Variants in EMP2 observed in about 807,000 individuals in gnomAD.
EMP2 encodes epithelial membrane protein 2.
In EMP2, 19 loss-of-function variants were observed where a neutral mutation model predicts 13.7. The observed-to-expected ratio is 1.38, with a 90% CI of 0.97 to 2.03. The LOEUF is 2.03. Ranked by LOEUF, EMP2 falls within the 30% of genes most tolerant of loss-of-function variation. The pLI is 0.00. For missense variants in EMP2, 253 were observed against 220.7 expected (o/e 1.15, Z -0.93); for synonymous variants, 97 against 84.7 (o/e 1.15, Z -0.80).
chr16:10,552,439 C>T (rs1256020630), intron 1 of EMP2, among the ~76,000 whole-genome samples: 1 of 152,180 alleles, frequency 6.6e-6, no homozygotes, highest in East Asian at 1.9e-4. Flanking sequence ...CATTAAGCAA[C>T]ATTGAACCAC....
chr16:10,551,701 C>T (rs547157768), intron 1 of EMP2, among the ~76,000 whole-genome samples: 131 of 152,292 alleles, frequency 8.6e-4, no homozygotes, highest in African/African-American at 3.1e-3. Flanking sequence ...GCCACCATCC[C>T]CAGAGCAAAA....
Position 10,563,714 on chromosome 16 carries a change from C to G in EMP2, c.-60-16037G>C, listed in dbSNP as rs531064199. ...ATTTGAGTGAAATGAGGTAAGAGCA[C>G]AGACTTGAGCCAGACTGACTGGACT... On this transcript the variant is annotated intron_variant, in intron 1 of 4. Transcript: ENST00000359543. Among the ~76,000 whole-genome samples the G allele has an allele frequency of 4.6e-5, 7 of 152,310 alleles. No homozygotes were observed. In the East Asian group the frequency reaches 1.2e-3, roughly 25 times the overall value.
intron 1 of EMP2, among the ~76,000 whole-genome samples, chr16:10,575,234 A>ATTCTTTTTTTTTTT: frequency 1.9e-5 from 1 of 53,374 alleles, no homozygotes; most frequent in Non-Finnish European, 3.5e-5. Context: ...TGGAGCTTGC[A>ATTCTTTTTTTTTTT]TTCTTTTTTT....
rs954950548 is a variant in EMP2, at chr16:10,536,952, T to C, written c.316+976A>G. 3.3e-5 allele frequency among the ~76,000 whole-genome samples: 5 copies of C among 152,256 alleles called. No homozygotes were observed. In the East Asian group the frequency reaches 7.7e-4, roughly 24 times the overall value. On this transcript the variant is annotated intron_variant, in intron 4 of 4. Transcript: ENST00000359543. ...ATGGTCCCAGGCAAACTAGAACAAG[T>C]TGTCACTGCACTGCACTGATGACAC...
rs548566002 is a variant in EMP2 at position 10,540,957 on chromosome 16, A to T, written c.169+2613T>A. On this transcript the variant is annotated intron_variant, in intron 3 of 4. Transcript: ENST00000359543. ...ACAAAAATTAGCCAGGTGTGGTGGCACACACCCATAATCCCAGCTACTGGG... is the reference window on the plus strand; with the variant it reads ...ACAAAAATTAGCCAGGTGTGGTGGCTCACACCCATAATCCCAGCTACTGGG... 7.9e-5 allele frequency among the ~76,000 whole-genome samples: 12 copies of T among 152,254 alleles called. No individual in the cohort carries two copies. The South Asian group carries it at 2.5e-3, about 32-fold the overall frequency.
At chr16:10,576,019 A>G (rs913520538) in intron 1 of EMP2, among the ~76,000 whole-genome samples, 1 of 152,088 alleles carries the variant, frequency 6.6e-6, no homozygotes, top group Non-Finnish European at 1.5e-5. Context: ...GCACTCTAGT[A>G]CTCAGATTTT....
At chr16:10,553,216 G>A (rs2050801206) in intron 1 of EMP2, among the ~76,000 whole-genome samples, 1 of 152,098 alleles carries the variant, frequency 6.6e-6, no homozygotes, top group Non-Finnish European at 1.5e-5. Flanking sequence ...TCCCTTCTGC[G>A]CCACTATTCC....
At chr16:10,566,030 C>T (rs567984674) in intron 1 of EMP2, among the ~76,000 whole-genome samples, 1 of 152,178 alleles carries the variant, frequency 6.6e-6, no homozygotes, top group South Asian at 2.1e-4. Flanking sequence ...GAACACACCA[C>T]CCCCAGCCTC....
At chr16:10,571,771 G>A (rs1034463856) in intron 1 of EMP2, among the ~76,000 whole-genome samples, 1 of 152,252 alleles carries the variant, frequency 6.6e-6, no homozygotes, top group East Asian at 1.9e-4. Flanking sequence ...CTGAGATGAA[G>A]AGAGGGGATG....
chr16:10,561,903 GA>G (rs944917711), intron 1 of EMP2, among the ~76,000 whole-genome samples: 4 of 151,688 alleles, frequency 2.6e-5, no homozygotes, highest in South Asian at 4.2e-4. Flanking sequence ...AATAAAAGGA[GA>G]AAAAAAAGGG....
chr16:10,560,254 T>G (rs940230704), intron 1 of EMP2, among the ~76,000 whole-genome samples: 3 of 152,188 alleles, frequency 2.0e-5, no homozygotes, highest in Non-Finnish European at 4.4e-5. Context: ...CCTGGGAACA[T>G]GCTTTGCAAA....
intron 3 of EMP2, among the ~76,000 whole-genome samples, chr16:10,540,438 G>A (rs566752450): frequency 3.3e-5 from 5 of 152,132 alleles, no homozygotes; most frequent in South Asian, 2.1e-4. Context: ...CCCAGAAGGC[G>A]GGGACTGCAG....
chr16:10,540,489 G>C (rs2050686361), intron 3 of EMP2, among the ~76,000 whole-genome samples: 1 of 127,142 alleles, frequency 7.9e-6, no homozygotes, highest in Admixed American at 8.2e-5. Context: ...CTGGGTGACA[G>C]AGCGAGACTC....
At chr16:10,547,484 C>T (rs973346857) in intron 2 of EMP2, 56 bp downstream of exon 2, 3 of 1,578,128 alleles carry the variant, frequency 1.9e-6, no homozygotes, top group Middle Eastern at 3.3e-4. Flanking sequence ...ATACAACCCA[C>T]TTCTATTGAC....
intron 1 of EMP2, among the ~76,000 whole-genome samples, chr16:10,551,758 C>T (rs959993504): frequency 6.6e-6 from 1 of 152,136 alleles, no homozygotes; most frequent in Admixed American, 6.6e-5. Context: ...TATTCCCCCT[C>T]CTCTAGTGGA....
chr16:10,553,494 T>C (rs1220795350), intron 1 of EMP2, among the ~76,000 whole-genome samples: 1 of 152,166 alleles, frequency 6.6e-6, no homozygotes, highest in Admixed American at 6.5e-5. Flanking sequence ...TCCCGGCACC[T>C]TCTCCTGGGC....
rs2050660695 is a variant in EMP2, at chr16:10,537,806, C to T, written c.316+122G>A. The stretch of plus-strand genomic sequence containing the variant: ...CGCAAACACACACCGGCACACAGCA[C>T]CGCGCGGCTGCCAATTTCTCCTTTC... On this transcript the variant is annotated intron_variant, in intron 4 of 4. Coordinates refer to ENST00000359543, the MANE Select transcript of EMP2 (RefSeq NM_001424.6). 7.7e-6 allele frequency: 10 copies of T among 1,302,648 alleles called. No individual in the cohort carries two copies. The South Asian group carries it at 1.2e-4, about 16-fold the overall frequency. The allele number at this position is 1,302,648 out of a possible 1,614,324, so 80.7% of individuals were successfully genotyped here.
At chr16:10,559,496 T>C (rs1196411166) in intron 1 of EMP2, among the ~76,000 whole-genome samples, 1 of 152,228 alleles carries the variant, frequency 6.6e-6, no homozygotes, top group Non-Finnish European at 1.5e-5. Context: ...CTGAGGATCA[T>C]TCTGTCTGTG....
At chr16:10,579,709 C>CACACAT (rs1555461499) in intron 1 of EMP2, among the ~76,000 whole-genome samples, 134 of 2,204 alleles carry the variant, frequency 0.061, 1 homozygote, top group African/African-American at 0.14. Context: ...GATCAAGGTG[C>CACACAT]ACACACACAC....
Sources: gnomAD v4.1 joint callset for allele counts (sites outside exome capture counted in the v4.1 genomes callset) on GRCh38, gnomAD v4.1.1 for gene constraint, MANE v1.5 for transcripts, NCBI Gene and HGNC (gene_info 2026-07-23, HGNC 2026-07-21) for gene names.